Variants in CHODL observed in about 807,000 individuals in gnomAD.
The protein encoded by CHODL is chondrolectin, also known as transmembrane protein MT75.
Under a neutral mutation model 34.5 loss-of-function variants are expected in CHODL, and 29 were observed. The ratio of observed to expected loss-of-function variants is 0.84; its 90% CI spans 0.63 to 1.15. The LOEUF (loss-of-function observed/expected upper bound fraction) is 1.15, where lower values mean the gene tolerates loss of function less well. Ranked by LOEUF, CHODL falls within the 50% of genes most tolerant of loss-of-function variation. The pLI, the probability that CHODL is intolerant of heterozygous loss-of-function variation, is 0.00. For synonymous variants in CHODL, 125 were observed against 116.1 expected (o/e 1.08, Z -0.49); for missense variants, 332 against 332.5 (o/e 1.00, Z 0.01).
Position 18,025,806 on chromosome 21 carries a change from T to A in CHODL, c.-144-2066T>A, listed in dbSNP as rs1173190995. Among the ~76,000 whole-genome samples the A allele has an allele frequency of 2.0e-5, 3 of 152,116 alleles. No individual in the cohort carries two copies. The South Asian group carries it at 6.2e-4, about 32-fold the overall frequency. The stretch of plus-strand genomic sequence containing the variant: ...CGAATATGGCTGCCTTCTCCCTTCA[T>A]CTTCCACGGTCTTTCCTCAGTCTCA... On this transcript the variant is annotated intron_variant, in intron 1 of 6. Coordinates refer to the CHODL transcript ENST00000400127.
chr21:18,013,521 A>C (rs1043208566), intron 1 of CHODL, among the ~76,000 whole-genome samples: 66 of 152,080 alleles, frequency 4.3e-4, no homozygotes, highest in African/African-American at 1.6e-3. Context: ...GAAATTTTTA[A>C]GACAATAAGT....
At chr21:18,265,930 A>T (rs1568966449) in intron 5 of CHODL, 24 bp from the exon 6 acceptor site, 3 of 1,599,922 alleles carry the variant, frequency 1.9e-6, no homozygotes, top group Middle Eastern at 1.7e-4. Flanking sequence ...TTAGGCACTA[A>T]ACATTTTTTC....
At chr21:18,084,670 T>C (rs1251714635) in intron 2 of CHODL, among the ~76,000 whole-genome samples, 1 of 152,186 alleles carries the variant, frequency 6.6e-6, no homozygotes, top group Admixed American at 6.5e-5. Context: ...ACTTTAAGAC[T>C]TGTTTTATGG....
At chr21:18,050,936 T>A (rs995795271) in intron 2 of CHODL, among the ~76,000 whole-genome samples, 42 of 151,478 alleles carry the variant, frequency 2.8e-4, no homozygotes, top group African/African-American at 4.1e-4. Flanking sequence ...CTTTTTTTTT[T>A]TTATTATTAT....
chr21:18,026,020 C>A (rs925324498), intron 1 of CHODL, among the ~76,000 whole-genome samples: 2 of 152,172 alleles, frequency 1.3e-5, no homozygotes, highest in African/African-American at 4.8e-5. Flanking sequence ...CACGATTCAG[C>A]CCCTAACAAT....
At chr21:18,176,779 C>T (rs982246401) in intron 2 of CHODL, among the ~76,000 whole-genome samples, 2 of 151,822 alleles carry the variant, frequency 1.3e-5, no homozygotes, top group African/African-American at 4.8e-5. Flanking sequence ...ATGTTATGAT[C>T]AAAGATGTAA....
chr21:18,226,844 C>G (rs1041172209), intron 2 of CHODL, among the ~76,000 whole-genome samples: 14 of 152,014 alleles, frequency 9.2e-5, no homozygotes, highest in African/African-American at 3.1e-4. Context: ...GATGGTTACA[C>G]AGAAAAAGCT....
chr21:18,079,955 G>A (rs898938537), intron 2 of CHODL, among the ~76,000 whole-genome samples: 2 of 151,974 alleles, frequency 1.3e-5, no homozygotes, highest in African/African-American at 4.8e-5. Flanking sequence ...CTTACCAACA[G>A]TGTATAAGCA....
At chr21:17,939,783 T>C (rs569924439) in intron 1 of CHODL, among the ~76,000 whole-genome samples, 1 of 152,268 alleles carries the variant, frequency 6.6e-6, no homozygotes, top group African/African-American at 2.4e-5. Context: ...TTCTTTACCC[T>C]ATGAGCTTTA....
intron 2 of CHODL, among the ~76,000 whole-genome samples, chr21:18,094,967 T>TA (rs1303901667): frequency 6.6e-6 from 1 of 151,444 alleles, no homozygotes; most frequent in African/African-American, 2.4e-5. Flanking sequence ...CTACTAAAAA[T>TA]AAAAAAATTA....
intron 2 of CHODL, among the ~76,000 whole-genome samples, chr21:18,142,215 T>C (rs997673835): frequency 2.0e-5 from 3 of 147,008 alleles, no homozygotes; most frequent in Non-Finnish European, 4.4e-5. Context: ...TCCAGCATTG[T>C]CCCGGGAGAG....
chr21:18,185,310 A>G (rs1007893322), intron 2 of CHODL, among the ~76,000 whole-genome samples: 1 of 152,092 alleles, frequency 6.6e-6, no homozygotes, highest in Admixed American at 6.5e-5. Flanking sequence ...GCTGAGAATG[A>G]TGGTTTCCAG....
intron 2 of CHODL, among the ~76,000 whole-genome samples, chr21:18,160,180 T>C (rs945592241): frequency 1.8e-5 from 2 of 113,902 alleles, no homozygotes; most frequent in Non-Finnish European, 3.9e-5. Context: ...GAAATTAATG[T>C]CTGGAGAGAT....
chr21:17,977,526 A>AT (rs1220000270), intron 1 of CHODL, among the ~76,000 whole-genome samples: 10 of 150,346 alleles, frequency 6.7e-5, no homozygotes, highest in African/African-American at 9.7e-5. Flanking sequence ...CGCCCAGCTA[A>AT]TTTTTTTGTA....
At chr21:18,233,233 G>A (rs967638547) in intron 2 of CHODL, among the ~76,000 whole-genome samples, 38 of 151,518 alleles carry the variant, frequency 2.5e-4, no homozygotes, top group African/African-American at 8.7e-4. Context: ...TTGTCTTTCC[G>A]TGCCTGGCTT....
intron 2 of CHODL, among the ~76,000 whole-genome samples, chr21:18,180,084 A>G (rs2073364140): frequency 1.3e-5 from 2 of 152,222 alleles, no homozygotes. Flanking sequence ...CATGTAAAGC[A>G]CCAATGCCTA....
intron 2 of CHODL, among the ~76,000 whole-genome samples, chr21:18,201,571 C>T (rs1241290510): frequency 1.3e-5 from 2 of 151,782 alleles, no homozygotes; most frequent in Non-Finnish European, 2.9e-5. Context: ...AGGTTTTTTT[C>T]TTTCCTTGGT....
At chr21:18,186,410 T>TA (rs34659673) in intron 2 of CHODL, among the ~76,000 whole-genome samples, 7,217 of 146,162 alleles carry the variant, frequency 0.049, 503 homozygotes, top group African/African-American at 0.16. Context: ...AAAAAAAAAT[T>TA]AAAAAAAAAA....
chr21:18,064,761 A>G (rs1352615720), intron 2 of CHODL, among the ~76,000 whole-genome samples: 2 of 152,070 alleles, frequency 1.3e-5, no homozygotes, highest in African/African-American at 4.8e-5. Context: ...GCACACACAC[A>G]TGCGCGCACA....
Sources: gnomAD v4.1 joint callset for allele counts (sites outside exome capture counted in the v4.1 genomes callset) on GRCh38, gnomAD v4.1.1 for gene constraint, MANE v1.5 for transcripts, NCBI Gene and HGNC (gene_info 2026-07-23, HGNC 2026-07-21) for gene names.